ABCB5: variants seen among roughly 807,000 people sequenced by gnomAD.
ABCB5 encodes the protein ATP-binding cassette sub-family B member 5.
Under a neutral mutation model 144.2 loss-of-function variants are expected in ABCB5, and 155 were observed. The observed-to-expected ratio is 1.08, with a 90% CI of 0.94 to 1.23. ABCB5 has a LOEUF of 1.23. ABCB5 is among the 50% of genes most tolerant of loss of function. The pLI, the probability that ABCB5 is intolerant of heterozygous loss-of-function variation, is 0.00. For synonymous variants in ABCB5, 610 were observed against 528.6 expected (o/e 1.15, Z -2.11); for missense variants, 1,830 against 1,520.8 (o/e 1.20, Z -3.38).
At position 20,615,667 on chromosome 7, in the gene ABCB5, G is replaced by A. The variant is rs1056809378; in HGVS notation, c.-192G>A. ...ACACGCTCATGTAATTGTGGTGACT[G>A]GCACTTCCAAAATCCACAAGCCAGA... On this transcript the variant is annotated 5_prime_UTR_variant, in exon 1 of 28. Transcript: ENST00000404938. The A allele has an allele frequency of 6.6e-6, 1 of 151,808 alleles. No homozygotes were observed. The highest frequency in any genetic ancestry group is 1.5e-5 in the Non-Finnish European group (1 of 68,272). 9.4% of individuals were successfully genotyped at this position (151,808 alleles called of 1,614,324 possible).
At chr7:20,629,263 C>G (rs1194914703) in intron 4 of ABCB5, among the ~76,000 whole-genome samples, 3 of 151,532 alleles carry the variant, frequency 2.0e-5, no homozygotes, top group African/African-American at 7.3e-5. Flanking sequence ...GGCTGGCATG[C>G]TGGGGACTCA....
rs756265243 is a variant in ABCB5 at position 20,698,551 on chromosome 7, G to C, written c.2154+1G>C. 4 of 1,585,658 alleles carry C rather than the reference G, an allele frequency of 2.5e-6. No homozygotes were observed. The South Asian group carries it at 3.6e-5, about 14-fold the overall frequency. On this transcript the variant is annotated splice_donor_variant, in intron 17 of 27. Coordinates refer to ENST00000404938, the MANE Select transcript of ABCB5 (RefSeq NM_001163941.2). LOFTEE classifies it high-confidence loss of function. The stretch of plus-strand genomic sequence containing the variant: ...CATCATCTTTGCAAAAATTATAACC[G>C]TAAGTAAAATAAATTTGCTAATACT...
chr7:20,694,228 C>CA (rs1786331728), intron 16 of ABCB5, among the ~76,000 whole-genome samples: 1 of 151,500 alleles, frequency 6.6e-6, no homozygotes, highest in African/African-American at 2.4e-5. Flanking sequence ...GAATTCTTAA[C>CA]AAAATGTAAC....
intron 20 of ABCB5, among the ~76,000 whole-genome samples, chr7:20,707,886 C>T (rs1438019293): frequency 6.8e-6 from 1 of 146,736 alleles, no homozygotes; most frequent in Non-Finnish European, 1.5e-5. Context: ...TCACTGCAAG[C>T]TCCGCCTCCC....
intron 14 of ABCB5, among the ~76,000 whole-genome samples, chr7:20,676,921 G>C (rs1785632815): frequency 6.6e-6 from 1 of 152,074 alleles, no homozygotes; most frequent in Non-Finnish European, 1.5e-5. Context: ...TGCAACTCCA[G>C]AAAACACAAA....
chr7:20,691,254 G>A (rs1260951325), intron 16 of ABCB5, among the ~76,000 whole-genome samples: 1 of 126,514 alleles, frequency 7.9e-6, no homozygotes, highest in African/African-American at 3.0e-5. Context: ...GCGCAGTCTC[G>A]GCTCACCGCA....
chr7:20,717,036 C>T (rs1781695879), intron 20 of ABCB5, among the ~76,000 whole-genome samples: 1 of 152,190 alleles, frequency 6.6e-6, no homozygotes, highest in Non-Finnish European at 1.5e-5. Context: ...ACACTCCAGA[C>T]TGGTCTTCCC....
At chr7:20,647,355 C>T in intron 9 of ABCB5, 180 bp from the exon 10 acceptor site, 1 of 1,337,222 alleles carries the variant, frequency 7.5e-7, no homozygotes, top group Non-Finnish European at 9.5e-7. Flanking sequence ...TGCTTCTCGG[C>T]CTTTTGGCTA....
At chr7:20,711,486 C>A in intron 20 of ABCB5, among the ~76,000 whole-genome samples, 1 of 143,090 alleles carries the variant, frequency 7.0e-6, no homozygotes, top group East Asian at 2.1e-4. Context: ...TTTTGAGACA[C>A]GGTCTCACTC....
intron 20 of ABCB5, among the ~76,000 whole-genome samples, chr7:20,710,627 G>C (rs1786998045): frequency 6.7e-6 from 1 of 149,584 alleles, no homozygotes. Flanking sequence ...ACTTCAAGTG[G>C]CATTTTACAA....
intron 20 of ABCB5, among the ~76,000 whole-genome samples, chr7:20,718,099 C>T (rs1222412922): frequency 6.7e-5 from 10 of 149,500 alleles, no homozygotes; most frequent in Non-Finnish European, 8.9e-5. Context: ...TTAGTAGAGA[C>T]GGGGTTTCAC....
At chr7:20,710,260 G>T (rs193128761) in intron 20 of ABCB5, among the ~76,000 whole-genome samples, 1 of 143,306 alleles carries the variant, frequency 7.0e-6, no homozygotes, top group South Asian at 2.3e-4. Flanking sequence ...CCAGCTACTC[G>T]GGAGGCTGAG....
At chr7:20,694,259 GA>G (rs1786333072) in intron 16 of ABCB5, among the ~76,000 whole-genome samples, 1 of 151,730 alleles carries the variant, frequency 6.6e-6, no homozygotes, top group Non-Finnish European at 1.5e-5. Context: ...CAACCATATA[GA>G]AAAAGAATAA....
At chr7:20,746,806 G>T (rs540853867) in intron 26 of ABCB5, among the ~76,000 whole-genome samples, 4 of 152,230 alleles carry the variant, frequency 2.6e-5, no homozygotes, top group South Asian at 2.1e-4. Context: ...TAAATTAAAT[G>T]AAATAAAAAT....
chr7:20,737,170 A>G (rs934440205), intron 23 of ABCB5, among the ~76,000 whole-genome samples: 3 of 151,766 alleles, frequency 2.0e-5, no homozygotes, highest in South Asian at 2.1e-4. Context: ...AAAAAAAAAA[A>G]GATGAAGAAG....
chr7:20,720,852 G>T (rs1229539190), intron 20 of ABCB5, among the ~76,000 whole-genome samples: 2 of 147,504 alleles, frequency 1.4e-5, no homozygotes, highest in African/African-American at 5.0e-5. Context: ...GCTGAGGCAG[G>T]AGAATGGCGT....
chr7:20,659,417 G>A (rs1440462074), intron 14 of ABCB5: 31 of 1,162,310 alleles, frequency 2.7e-5, no homozygotes, highest in Non-Finnish European at 2.2e-5. Flanking sequence ...TAAGAAAATC[G>A]CAGGCTTCTT....
At chr7:20,741,143 T>C (rs2128054921) in intron 24 of ABCB5, among the ~76,000 whole-genome samples, 1 of 151,698 alleles carries the variant, frequency 6.6e-6, no homozygotes, top group Non-Finnish European at 1.5e-5. Context: ...CAAACAAAAT[T>C]GGCAAATATT....
chr7:20,732,075 C>T (rs1782239981), intron 23 of ABCB5, among the ~76,000 whole-genome samples: 1 of 152,202 alleles, frequency 6.6e-6, no homozygotes, highest in African/African-American at 2.4e-5. Context: ...GATGGGGCTG[C>T]TGCGTTGCTT....
Sources: gnomAD v4.1 joint callset for allele counts (sites outside exome capture counted in the v4.1 genomes callset) on GRCh38, gnomAD v4.1.1 for gene constraint, MANE v1.5 for transcripts, NCBI Gene and HGNC (gene_info 2026-07-23, HGNC 2026-07-21) for gene names.